CCDC7: variants seen among roughly 807,000 people sequenced by gnomAD.
The protein encoded by CCDC7 is coiled-coil domain containing 7.
Under a neutral mutation model 196.9 loss-of-function variants are expected in CCDC7, and 183 were observed. That is an observed-to-expected ratio of 0.93 (90% CI 0.82 to 1.05). The LOEUF (loss-of-function observed/expected upper bound fraction) is 1.05. CCDC7 is among the 50% of genes least tolerant of loss of function. The probability of loss-of-function intolerance (pLI) is 0.00; values close to 1 mark genes in which losing one functional copy is unlikely to be tolerated. For missense variants in CCDC7, 1,540 were observed against 1,482.2 expected (o/e 1.04, Z -0.64); for synonymous variants, 525 against 484.6 (o/e 1.08, Z -1.10).
At chr10:32,567,699 C>CTTT in exon 15 of CCDC7, 1 of 1,612,612 alleles carries the variant, frequency 6.2e-7, no homozygotes, top group Non-Finnish European at 8.5e-7. Flanking sequence ...ATCAACTTAA[C>CTTT]TATTTCCTAA....
intron 21 of CCDC7, among the ~76,000 whole-genome samples, chr10:32,668,374 C>T (rs2073291160): frequency 1.3e-5 from 2 of 152,100 alleles, no homozygotes; most frequent in African/African-American, 2.4e-5. Flanking sequence ...TTTCTCCTGC[C>T]TGATTGCCCT....
rs375041165 is a variant in CCDC7, at chr10:32,811,208, C to A, written c.3098-3162C>A. Among the ~76,000 whole-genome samples the A allele has an allele frequency of 4.0e-4, 60 of 151,738 alleles. No homozygotes were observed. In the South Asian group the frequency reaches 0.012, roughly 31 times the overall value. On this transcript the variant is annotated intron_variant, in intron 30 of 41. Coordinates refer to ENST00000639629, the Ensembl canonical transcript of CCDC7. ...ATAGATACTTAAGCAAAGGATCAACCAAATCAAAACTTGGTGTTTTAAAAA... is the reference window on the plus strand; with the variant it reads ...ATAGATACTTAAGCAAAGGATCAACAAAATCAAAACTTGGTGTTTTAAAAA...
At chr10:32,645,930 T>G (rs1445759718) in intron 20 of CCDC7, among the ~76,000 whole-genome samples, 1 of 152,084 alleles carries the variant, frequency 6.6e-6, no homozygotes, top group Non-Finnish European at 1.5e-5. Flanking sequence ...TCCTCACTTT[T>G]ATTTTTAGTC....
At chr10:32,735,894 A>G (rs1460945315) in intron 28 of CCDC7, among the ~76,000 whole-genome samples, 3 of 152,156 alleles carry the variant, frequency 2.0e-5, no homozygotes, top group African/African-American at 7.2e-5. Context: ...CATGTGGATG[A>G]CTAGTTATTC....
intron 13 of CCDC7, among the ~76,000 whole-genome samples, chr10:32,548,125 T>C (rs984380134): frequency 2.0e-5 from 3 of 152,208 alleles, no homozygotes; most frequent in Admixed American, 6.5e-5. Context: ...TAGAAGGGTG[T>C]GACTTGCGGA....
At chr10:32,784,799 C>T (rs1263080769) in intron 29 of CCDC7, among the ~76,000 whole-genome samples, 4 of 151,406 alleles carry the variant, frequency 2.6e-5, no homozygotes, top group Non-Finnish European at 5.9e-5. Flanking sequence ...GTCAGGAGTT[C>T]GAGACCAGCC....
chr10:32,876,518 C>A, downstream of CCDC7: 1 of 919,646 alleles, frequency 1.1e-6, no homozygotes, highest in Non-Finnish European at 1.7e-6. Context: ...TATTGAAAAA[C>A]AGCTGGAAAT....
intron 18 of CCDC7, among the ~76,000 whole-genome samples, chr10:32,609,961 A>G (rs147835710): frequency 6.6e-6 from 1 of 151,988 alleles, no homozygotes; most frequent in East Asian, 1.9e-4. Flanking sequence ...CTGAACAAAG[A>G]GATGTTTCAT....
intron 21 of CCDC7, among the ~76,000 whole-genome samples, chr10:32,676,042 G>C (rs1320489306): frequency 6.6e-6 from 1 of 151,662 alleles, no homozygotes; most frequent in Non-Finnish European, 1.5e-5. Flanking sequence ...CAGAGATATA[G>C]ATCAATGGAA....
Position 32,453,329 on chromosome 10 carries a change from A to ATT in CCDC7, c.280-6_280-5dup. On this transcript the variant is annotated splice_polypyrimidine_tract_variant and intron_variant, in intron 1 of 41. Coordinates refer to ENST00000639629, the Ensembl canonical transcript of CCDC7. ...CTATTAAAGTATCTAATTGGCTTTT[A>ATT]TTTTTTTTTTACAGGTTGTTTCCAC... The ATT allele has an allele frequency of 8.2e-7, 1 of 1,223,704 alleles. No homozygotes were observed. The highest frequency in any genetic ancestry group is 1.9e-5 in the South Asian group (1 of 52,838). 75.8% of individuals were successfully genotyped at this position (1,223,704 alleles called of 1,614,324 possible).
intron 8 of CCDC7, among the ~76,000 whole-genome samples, chr10:32,486,384 T>C (rs2134293751): frequency 6.6e-6 from 1 of 151,830 alleles, no homozygotes; most frequent in East Asian, 1.9e-4. Context: ...TTTGAGCCTG[T>C]GTGTGTCTCT....
At chr10:32,828,439 G>GAGA (rs71030014) in intron 32 of CCDC7, among the ~76,000 whole-genome samples, 742 of 56,720 alleles carry the variant, frequency 0.013, 68 homozygotes, top group African/African-American at 0.03. Flanking sequence ...AGGAAGGAAG[G>GAGA]AGAAGAAGAA....
intron 18 of CCDC7, chr10:32,623,588 C>T: frequency 2.7e-6 from 1 of 375,730 alleles, no homozygotes; most frequent in Non-Finnish European, 5.3e-6. Context: ...CCTTAGTTGC[C>T]TTACCTCAAT....
At chr10:32,614,808 C>T (rs1003865926) in intron 18 of CCDC7, among the ~76,000 whole-genome samples, 3 of 152,122 alleles carry the variant, frequency 2.0e-5, no homozygotes, top group Non-Finnish European at 4.4e-5. Flanking sequence ...TTTGATCTAT[C>T]CCACCCACTG....
intron 9 of CCDC7, among the ~76,000 whole-genome samples, chr10:32,500,680 G>A (rs2043854078): frequency 6.6e-6 from 1 of 152,202 alleles, no homozygotes; most frequent in African/African-American, 2.4e-5. Context: ...CGGCACTTTG[G>A]GAGGCCAAGG....
intron 18 of CCDC7, among the ~76,000 whole-genome samples, chr10:32,597,357 G>A (rs545885530): frequency 6.6e-6 from 1 of 152,240 alleles, no homozygotes; most frequent in African/African-American, 2.4e-5. Context: ...TCGTGCCATG[G>A]TTTTCAGCTC....
chr10:32,489,388 G>A (rs796311970), intron 8 of CCDC7, among the ~76,000 whole-genome samples: 39 of 152,292 alleles, frequency 2.6e-4, no homozygotes, highest in African/African-American at 8.4e-4. Context: ...AGTTGCGTGG[G>A]CTAGCTTGTT....
intron 15 of CCDC7, among the ~76,000 whole-genome samples, chr10:32,568,723 A>T (rs2057201341): frequency 6.6e-6 from 1 of 152,200 alleles, no homozygotes; most frequent in Non-Finnish European, 1.5e-5. Context: ...TCTGCTAGTT[A>T]TTTTATATCT....
At chr10:32,547,755 A>G (rs934795078) in intron 13 of CCDC7, among the ~76,000 whole-genome samples, 14 of 152,128 alleles carry the variant, frequency 9.2e-5, no homozygotes, top group African/African-American at 3.1e-4. Flanking sequence ...AGATAATCCA[A>G]TTATACTTTC....
Sources: gnomAD v4.1 joint callset for allele counts (sites outside exome capture counted in the v4.1 genomes callset) on GRCh38, gnomAD v4.1.1 for gene constraint, MANE v1.5 for transcripts, NCBI Gene and HGNC (gene_info 2026-07-23, HGNC 2026-07-21) for gene names.